The following TTC28 variants were observed in gnomAD, a reference collection of about 807,000 sequenced individuals.
TTC28 encodes the protein tetratricopeptide repeat protein 28.
TTC28 carries 61 observed loss-of-function variants against 198.0 expected under a neutral mutation model. That is an observed-to-expected ratio of 0.31 (90% CI 0.25 to 0.38). The LOEUF (loss-of-function observed/expected upper bound fraction) is 0.38. TTC28 is among the 10% of genes least tolerant of loss of function. The pLI, the probability that TTC28 is intolerant of heterozygous loss-of-function variation, is 1.00. For missense variants in TTC28, 2,678 were observed against 3,164.0 expected (o/e 0.85, Z 3.69); for synonymous variants, 1,171 against 1,297.8 (o/e 0.90, Z 2.10).
chr22:28,340,266 A>T (rs879669797), intron 2 of TTC28, among the ~76,000 whole-genome samples: 2 of 152,060 alleles, frequency 1.3e-5, no homozygotes, highest in Admixed American at 1.3e-4. Context: ...GGTGCTTTAC[A>T]ACTGTAACAT....
chr22:28,550,311 G>C (rs2049640556), intron 2 of TTC28, among the ~76,000 whole-genome samples: 2 of 152,112 alleles, frequency 1.3e-5, no homozygotes, highest in South Asian at 4.2e-4. Context: ...ATTTCCCTTT[G>C]AAAGCACAAA....
At chr22:28,503,249 C>T (rs1732980730) in intron 2 of TTC28, among the ~76,000 whole-genome samples, 1 of 152,172 alleles carries the variant, frequency 6.6e-6, no homozygotes, top group Non-Finnish European at 1.5e-5. Flanking sequence ...AGAGAACCTC[C>T]ACACTAGGGC....
chr22:28,199,566 T>G (rs1925733767), intron 5 of TTC28, among the ~76,000 whole-genome samples: 1 of 142,678 alleles, frequency 7.0e-6, no homozygotes, highest in African/African-American at 2.6e-5. Context: ...AACACTAAAT[T>G]ATTTGTGTGC....
chr22:28,531,315 C>T (rs563733493), intron 2 of TTC28, among the ~76,000 whole-genome samples: 1 of 152,190 alleles, frequency 6.6e-6, no homozygotes, highest in African/African-American at 2.4e-5. Flanking sequence ...ACAAAGAAGG[C>T]CATTACATAA....
chr22:28,593,545 A>T (rs959537482), intron 2 of TTC28, among the ~76,000 whole-genome samples: 1 of 152,148 alleles, frequency 6.6e-6, no homozygotes, highest in Non-Finnish European at 1.5e-5. Flanking sequence ...CAATCGATAG[A>T]TGAAGAGTTT....
chr22:28,645,784 C>T (rs909533221), intron 1 of TTC28, among the ~76,000 whole-genome samples: 2 of 151,932 alleles, frequency 1.3e-5, no homozygotes, highest in African/African-American at 2.4e-5. Context: ...ACAGAAAGAA[C>T]ACTTAATAAA....
rs574683916 is a variant in TTC28, at chr22:28,343,388, G to A, written c.382-36745C>T. 3.9e-5 allele frequency among the ~76,000 whole-genome samples: 6 copies of A among 152,182 alleles called. No individual in the cohort carries two copies. In the South Asian group the frequency reaches 6.2e-4, roughly 16 times the overall value. The stretch of plus-strand genomic sequence containing the variant: ...CTAGTAAAAATACAAAAATTAGCCA[G>A]GTGTGGTGGCAGGTGCCTGTAATCC... On this transcript the variant is annotated intron_variant, in intron 2 of 22. Coordinates refer to ENST00000397906, the MANE Select transcript of TTC28 (RefSeq NM_001145418.2).
At chr22:28,669,458 AT>A (rs1037473588) in intron 1 of TTC28, among the ~76,000 whole-genome samples, 4 of 150,506 alleles carry the variant, frequency 2.7e-5, no homozygotes, top group African/African-American at 9.7e-5. Flanking sequence ...AAAAGGTACA[AT>A]TTACCCAATT....
At chr22:28,583,266 T>C (rs978070702) in intron 2 of TTC28, among the ~76,000 whole-genome samples, 11 of 152,216 alleles carry the variant, frequency 7.2e-5, no homozygotes, top group African/African-American at 2.7e-4. Context: ...TTCATTTTCA[T>C]TTTCATAAGC....
At chr22:28,655,450 T>C (rs1170559870) in intron 1 of TTC28, among the ~76,000 whole-genome samples, 1 of 152,244 alleles carries the variant, frequency 6.6e-6, no homozygotes, top group Non-Finnish European at 1.5e-5. Context: ...CAAATTTCTA[T>C]GAACTTTATG....
Position 27,982,175 on chromosome 22 carries a change from GC to G in TTC28, c.*45del, listed in dbSNP as rs1452579157. The stretch of plus-strand genomic sequence containing the variant: ...AGGGAAGGGCTGAAGCAAACGCCAG[GC>G]CCCCATCTGCAGGCTGCTCAGAGTC... On this transcript the variant is annotated 3_prime_UTR_variant, in exon 23 of 23. Coordinates refer to ENST00000397906, the MANE Select transcript of TTC28 (RefSeq NM_001145418.2). This position sits in a 1 kb window ranked among gnomAD's most constrained non-coding sequence, Gnocchi z 5.2. 4 of 1,450,364 alleles carry G rather than the reference GC, an allele frequency of 2.8e-6. No homozygotes were observed. The East Asian group carries it at 1.0e-4, about 36-fold the overall frequency. 89.8% of individuals were successfully genotyped at this position (1,450,364 alleles called of 1,614,324 possible). A position where few individuals can be genotyped will look rare whatever the true frequency, so the allele number is the denominator to read the frequency against.
intron 2 of TTC28, among the ~76,000 whole-genome samples, chr22:28,612,893 A>C (rs1412215435): frequency 1.3e-5 from 2 of 152,198 alleles, no homozygotes; most frequent in Admixed American, 1.3e-4. Context: ...AATATCTAAA[A>C]TTGACACTCT....
chr22:28,061,633 GT>G (rs1461006158), intron 12 of TTC28, among the ~76,000 whole-genome samples: 1 of 152,196 alleles, frequency 6.6e-6, no homozygotes, highest in Non-Finnish European at 1.5e-5. Flanking sequence ...TTGTAGTACA[GT>G]TTGAAGTCAG....
At chr22:28,094,304 T>C (rs1393238537) in intron 11 of TTC28, 59 bp from the exon 12 acceptor site, 2 of 1,450,926 alleles carry the variant, frequency 1.4e-6, no homozygotes, top group African/African-American at 1.4e-5. Context: ...AAAGGAGAAG[T>C]TGAAGGCAGG....
At chr22:28,331,718 C>T (rs1486300991) in intron 2 of TTC28, among the ~76,000 whole-genome samples, 2 of 152,066 alleles carry the variant, frequency 1.3e-5, no homozygotes, top group Non-Finnish European at 2.9e-5. Flanking sequence ...TCCTTCCTCC[C>T]TTCTTGCCTT....
chr22:28,255,666 A>G (rs1930852498), intron 5 of TTC28, among the ~76,000 whole-genome samples: 1 of 149,486 alleles, frequency 6.7e-6, no homozygotes, highest in African/African-American at 2.5e-5. Flanking sequence ...GGGCAATAAG[A>G]GCAAAACTCC....
intron 2 of TTC28, among the ~76,000 whole-genome samples, chr22:28,450,037 G>A (rs534837814): frequency 6.6e-6 from 1 of 152,286 alleles, no homozygotes; most frequent in South Asian, 2.1e-4. Flanking sequence ...AAGGTACTTA[G>A]AGGCACAGGG....
intron 21 of TTC28, among the ~76,000 whole-genome samples, 182 bp downstream of exon 21, chr22:27,989,696 C>G (rs549136225): frequency 6.6e-6 from 1 of 152,172 alleles, no homozygotes; most frequent in African/African-American, 2.4e-5. Flanking sequence ...GTTCCTCCCC[C>G]TCAGCCTCCC....
intron 1 of TTC28, among the ~76,000 whole-genome samples, chr22:28,642,674 G>A (rs1410330495): frequency 1.3e-5 from 2 of 152,138 alleles, no homozygotes; most frequent in Non-Finnish European, 2.9e-5. Flanking sequence ...ACAAAATTAA[G>A]GCAATAAGGA....
Sources: allele counts gnomAD v4.1 joint callset (sites outside exome capture counted in the v4.1 genomes callset), GRCh38; gene constraint gnomAD v4.1.1; non-coding constraint Gnocchi (gnomAD v3.1); transcripts MANE v1.5; gene names NCBI Gene and HGNC (gene_info 2026-07-23, HGNC 2026-07-21).